Variants in TTC23L observed in about 807,000 individuals in gnomAD.
TTC23L encodes tetratricopeptide repeat domain 23 like.
TTC23L carries 42 observed loss-of-function variants against 48.1 expected under a neutral mutation model. That is an observed-to-expected ratio of 0.87 (90% confidence interval 0.68 to 1.13). The LOEUF (loss-of-function observed/expected upper bound fraction) is 1.13, where lower values mean the gene tolerates loss of function less well. Ranked by LOEUF, TTC23L falls within the 50% of genes most tolerant of loss-of-function variation. The pLI is 0.00. For missense variants in TTC23L, 391 were observed against 421.0 expected, an observed-to-expected ratio of 0.93 and a Z score of 0.62; for synonymous variants, 159 against 157.2, an observed-to-expected ratio of 1.01 and a Z score of -0.09.
At chr5:34,915,578 G>C in the TTC23L span, 1 of 929,320 alleles carries the variant, frequency 1.1e-6, no homozygotes. Flanking sequence ...AGGAGGCCTA[G>C]AGAGCCGCGC....
chr5:34,864,709 G>T, intron 6 of TTC23L, 147 bp downstream of exon 6: 1 of 1,008,732 alleles, frequency 9.9e-7, no homozygotes, highest in Non-Finnish European at 1.4e-6. Context: ...GATACACTGG[G>T]CATTTTGTGT....
the TTC23L span, chr5:34,925,189 A>G: frequency 6.6e-7 from 1 of 1,510,772 alleles, no homozygotes; most frequent in South Asian, 1.3e-5. Flanking sequence ...GTTTATTTTT[A>G]TTTCAAAAGC....
At chr5:34,886,107 T>C (rs1395454385) in intron 9 of TTC23L, among the ~76,000 whole-genome samples, 1 of 152,202 alleles carries the variant, frequency 6.6e-6, no homozygotes, top group Admixed American at 6.5e-5. Context: ...CTGTTATTAG[T>C]TTCCATTCCT....
At chr5:34,867,876 G>A (rs1213929086) in intron 7 of TTC23L, 1 of 152,258 alleles carries the variant, frequency 6.6e-6, no homozygotes, top group Admixed American at 6.5e-5. Context: ...TGCTGTGAAG[G>A]CAGGGAGTCC....
the TTC23L span, chr5:34,911,495 T>C: frequency 6.4e-7 from 1 of 1,561,964 alleles, no homozygotes; most frequent in Non-Finnish European, 8.7e-7. Context: ...TAAGCAAATG[T>C]CTAAGTGGGA....
At chr5:34,870,334 A>G (rs1034295522) in intron 8 of TTC23L, among the ~76,000 whole-genome samples, 3 of 152,194 alleles carry the variant, frequency 2.0e-5, no homozygotes, top group African/African-American at 7.2e-5. Context: ...AGAGTTTGAT[A>G]GATTTCATTA....
intron 9 of TTC23L, among the ~76,000 whole-genome samples, chr5:34,882,522 C>T (rs1762287264): frequency 6.6e-6 from 1 of 151,932 alleles, no homozygotes; most frequent in South Asian, 2.1e-4. Flanking sequence ...TTAAAAGTAG[C>T]TCGTTCTCCT....
At chr5:34,925,584 C>T in the TTC23L span, 22 of 1,105,498 alleles carry the variant, frequency 2.0e-5, no homozygotes, top group Middle Eastern at 2.7e-4. Flanking sequence ...TACTATCTTA[C>T]GTCTAATTAG....
At chr5:34,883,550 G>A in intron 9 of TTC23L, 1 of 156,718 alleles carries the variant, frequency 6.4e-6, no homozygotes, top group East Asian at 1.8e-4. Context: ...AAGGAAAAGA[G>A]AGAAGACTAA....
chr5:34,903,906 A>G (rs1290431010), downstream of TTC23L, among the ~76,000 whole-genome samples: 4 of 152,148 alleles, frequency 2.6e-5, no homozygotes, highest in Non-Finnish European at 5.9e-5. Flanking sequence ...AGTTAGAAAA[A>G]AAAATAATTC....
chr5:34,874,417 G>A (rs1761682213), intron 8 of TTC23L, among the ~76,000 whole-genome samples: 1 of 152,082 alleles, frequency 6.6e-6, no homozygotes, highest in South Asian at 2.1e-4. Context: ...GTTATTATAA[G>A]GTACTATATA....
chr5:34,913,772 T>C, the TTC23L span: 1 of 562,798 alleles, frequency 1.8e-6, no homozygotes, highest in Non-Finnish European at 3.2e-6. Flanking sequence ...GATCTAAAAC[T>C]ATCCCTCTGT....
chr5:34,850,991 A>G (rs373458792), intron 4 of TTC23L, among the ~76,000 whole-genome samples: 5 of 152,164 alleles, frequency 3.3e-5, no homozygotes, highest in Admixed American at 2.0e-4. Context: ...TTGACCAGCC[A>G]TGTCCCCCTG....
At chr5:34,921,907 C>CAAAA in the TTC23L span, 7 of 35,326 alleles carry the variant, frequency 2.0e-4, no homozygotes, top group Admixed American at 2.9e-4. Flanking sequence ...AACTGCATCG[C>CAAAA]AAAAAAAAAA....
intron 8 of TTC23L, among the ~76,000 whole-genome samples, chr5:34,875,708 C>T (rs532131495): frequency 9.3e-4 from 141 of 152,202 alleles, no homozygotes; most frequent in African/African-American, 3.1e-3. Flanking sequence ...TCATCACACC[C>T]GTGTATCAGA....
intron 3 of TTC23L, among the ~76,000 whole-genome samples, chr5:34,849,953 G>A (rs1430947889): frequency 6.6e-6 from 1 of 152,178 alleles, no homozygotes; most frequent in East Asian, 1.9e-4. Flanking sequence ...CAGGTCAAAG[G>A]TGAGGGTGGC....
At chr5:34,868,662 T>A (rs559859283) in intron 7 of TTC23L, 19 of 365,526 alleles carry the variant, frequency 5.2e-5, no homozygotes, top group African/African-American at 8.1e-5. Flanking sequence ...AGCCAACATT[T>A]ATTGAGAACT....
chr5:34,909,466 C>T, the TTC23L span: 3 of 692,210 alleles, frequency 4.3e-6, no homozygotes, highest in Non-Finnish European at 7.4e-6. Context: ...GTGAAACAGA[C>T]ATGTACACAA....
chr5:34,846,573 AAAAATATATAT>A (rs1759164877), intron 3 of TTC23L, among the ~76,000 whole-genome samples: 1 of 114,704 alleles, frequency 8.7e-6, no homozygotes, highest in African/African-American at 4.1e-5. Flanking sequence ...AAAAAAAAAA[AAAAATATATAT>A]ATATATATAT....
Sources: allele counts gnomAD v4.1 joint callset (sites outside exome capture counted in the v4.1 genomes callset), GRCh38; gene constraint gnomAD v4.1.1; transcripts MANE v1.5; gene names NCBI Gene and HGNC (gene_info 2026-07-23, HGNC 2026-07-21).